KCNJ18: variants seen among roughly 807,000 people sequenced by gnomAD.
KCNJ18 encodes the protein potassium inwardly rectifying channel subfamily J member 18, also known as inward rectifier potassium channel 18.
Under a neutral mutation model 17.3 loss-of-function variants are expected in KCNJ18, and 16 were observed. The ratio of observed to expected loss-of-function variants is 0.92; its 90% CI spans 0.62 to 1.40. The LOEUF (loss-of-function observed/expected upper bound fraction) is 1.40, where lower values mean the gene tolerates loss of function less well. Ranked by LOEUF, KCNJ18 falls within the 40% of genes most tolerant of loss-of-function variation. The pLI, the probability that KCNJ18 is intolerant of heterozygous loss-of-function variation, is 0.00. For synonymous variants in KCNJ18, 185 were observed against 262.6 expected (o/e 0.70, Z 2.86); for missense variants, 462 against 626.8 (o/e 0.74, Z 2.81).
intron 1 of KCNJ18, among the ~76,000 whole-genome samples, chr17:21,695,502 C>T (rs1464539783): frequency 1.3e-5 from 2 of 152,302 alleles, no homozygotes; most frequent in East Asian, 1.9e-4. Flanking sequence ...TTCATTCATC[C>T]ACCCCCCCAG....
rs1271405002 is a variant in KCNJ18 at position 21,703,140 on chromosome 17, C to A, written c.354C>A (p.His118Gln). ...AHGDLEPAEG[H>Q]GRTPCVMQVH... ...GTGACCTGGAGCCGGCTGAGGGCCA[C>A]GGCCGCACACCCTGTGTGATGCAGG... The change falls in exon 3 of 3, where the codon CAC (histidine) becomes CAA (glutamine). Residue 118 changes from histidine (H) to glutamine (Q), a missense_variant. Around this residue, in one of 5 missense-constraint regions of KCNJ18, gnomAD observed 237 missense variants for 259.4 expected, o/e 0.91. Coordinates refer to ENST00000567955, the MANE Select transcript of KCNJ18 (RefSeq NM_001194958.2). The A allele has an allele frequency of 1.2e-6, 2 of 1,610,400 alleles. No homozygotes were observed. Among genetic ancestry groups the A allele is most frequent in the Admixed American group, 1.7e-5 (1 of 59,724 alleles).
At position 21,703,297 on chromosome 17, in the gene KCNJ18, A is replaced by G. The variant is rs1412729184; in HGVS notation, c.511A>G (p.Ile171Val). 5.5e-5 allele frequency: 88 copies of G among 1,608,646 alleles called. No individual in the cohort carries two copies. The highest frequency in any genetic ancestry group is 7.2e-5 in the Non-Finnish European group (85 of 1,177,050). ...GGTGGCCCAGTCCATCGTGGGCTGC[A>G]TCATCGACTCCTTCATGATTGGTGC... Reference protein sequence around the residue: ...MVVAQSIVGCIIDSFMIGAIM... With the variant: ...MVVAQSIVGCVIDSFMIGAIM... The change falls in exon 3 of 3, where the codon ATC becomes GTC. Residue 171 changes from isoleucine (I) to valine (V), a missense_variant. By Grantham distance (29) the Ile-to-Val change is conservative (BLOSUM62 3). Coordinates refer to ENST00000567955, the MANE Select transcript of KCNJ18 (RefSeq NM_001194958.2).
chr17:21,699,478 C>G (rs1439115687), intron 2 of KCNJ18, among the ~76,000 whole-genome samples: 3 of 149,370 alleles, frequency 2.0e-5, no homozygotes, highest in African/African-American at 7.7e-5. Flanking sequence ...GGGAGGGTCT[C>G]TCTCTCTCTC....
Position 21,692,637 on chromosome 17 carries a change from G to T in KCNJ18, c.-256G>T, listed in dbSNP as rs1261145698. On this transcript the variant is annotated 5_prime_UTR_variant, in exon 1 of 3. Transcript: ENST00000567955. ...CGCCGGTCACAGTGAACGCCTGCAG[G>T]ACCCACACTGCTGCATCGTCTCTGT... The T allele has an allele frequency of 6.6e-6, 1 of 152,394 alleles. No individual in the cohort carries two copies. The highest frequency in any genetic ancestry group is 1.5e-5 in the Non-Finnish European group (1 of 68,120). The allele number at this position is 152,394 out of a possible 1,614,324, so 9.4% of individuals were successfully genotyped here. A position where few individuals can be genotyped will look rare whatever the true frequency, so the allele number is the denominator to read the frequency against.
At position 21,702,957 on chromosome 17, in the gene KCNJ18, C is replaced by T. The variant is rs1274704146; in HGVS notation, c.171C>T (p.Phe57=). The T allele has an allele frequency of 2.3e-5, 37 of 1,587,412 alleles. No homozygotes were observed. The highest frequency in any genetic ancestry group is 2.3e-4 in the Admixed American group (13 of 56,198). ...AGAATGGCCAGTGCAACATTGCGTT[C>T]GCCAACATGGACGAGAAGTCACAGC... is the stretch of plus-strand genomic sequence containing the variant. ...VKKNGQCNIA[F]ANMDEKSQRY... The change falls in exon 3 of 3, where the codon TTC becomes TTT. Residue 57 remains phenylalanine (F), a synonymous_variant. Transcript: ENST00000567955.
chr17:21,698,170 C>G (rs1234244602), intron 2 of KCNJ18, among the ~76,000 whole-genome samples: 1 of 152,260 alleles, frequency 6.6e-6, no homozygotes, highest in Non-Finnish European at 1.5e-5. Context: ...GCCACGCACA[C>G]AGTCAGGCCT....
Position 21,704,497 on chromosome 17 carries a change from C to G in KCNJ18, c.*409C>G. The stretch of plus-strand genomic sequence containing the variant: ...GAGAAACACCGGGTTTCAGCTTTCT[C>G]GACCTTAGCTTGGGTGAGACTGTTT... On this transcript the variant is annotated 3_prime_UTR_variant, in exon 3 of 3. Coordinates refer to ENST00000567955, the MANE Select transcript of KCNJ18 (RefSeq NM_001194958.2). 7.5e-6 allele frequency: 1 copy of G among 133,128 alleles called. No individual in the cohort carries two copies. The highest frequency in any genetic ancestry group is 1.6e-5 in the Non-Finnish European group (1 of 61,098). 8.2% of individuals were successfully genotyped at this position (133,128 alleles called of 1,614,324 possible).
intron 1 of KCNJ18, among the ~76,000 whole-genome samples, chr17:21,695,634 T>C (rs1443115587): frequency 2.0e-5 from 3 of 152,296 alleles, no homozygotes; most frequent in African/African-American, 7.2e-5. Context: ...ACTACTTCTC[T>C]GGAATAGTAA....
intron 2 of KCNJ18, among the ~76,000 whole-genome samples, chr17:21,696,942 AAG>A (rs1905776605): frequency 6.6e-6 from 1 of 152,184 alleles, no homozygotes; most frequent in Non-Finnish European, 1.5e-5. Flanking sequence ...TGAGGTGAGA[AAG>A]AGAAGGAAGT....
chr17:21,703,066 T>C lies in KCNJ18; in HGVS notation c.280T>C (p.Ser94Pro), dbSNP rs1376403244. 3.1e-6 allele frequency: 5 copies of C among 1,613,092 alleles called. No homozygotes were observed. The highest frequency in any genetic ancestry group is 4.2e-6 in the Non-Finnish European group (5 of 1,179,898). Residue 94 changes from serine (S) to proline (P), a missense_variant, in exon 3 of 3, where the codon TCC becomes CCC. Around this residue, in one of 5 missense-constraint regions of KCNJ18, gnomAD observed 237 missense variants for 259.4 expected, o/e 0.91. Transcript: ENST00000567955. ...LLIFSLAFLA[S>P]WLLFGVIFWV... is the part of the protein sequence containing the mutation. Reference sequence around the variant, plus strand: ...CATCTTCTCGCTGGCCTTCCTTGCCTCCTGGCTGCTGTTCGGCGTCATCTT... The same window carrying C: ...CATCTTCTCGCTGGCCTTCCTTGCCCCCTGGCTGCTGTTCGGCGTCATCTT...
intron 2 of KCNJ18, among the ~76,000 whole-genome samples, chr17:21,697,973 A>G (rs1477985789): frequency 1.4e-4 from 22 of 152,400 alleles, no homozygotes; most frequent in African/African-American, 3.6e-4. Context: ...AGTGATCTCC[A>G]AGGGGTCTTC....
In KCNJ18 at chr17:21,703,916, A is replaced by C. The variant is rs1437284153; in HGVS notation, c.1130A>C (p.Tyr377Ser). ...FLLPSANSFC[Y>S]ENELAFLSRD... ...CTGCCCAGTGCCAACTCCTTCTGCT[A>C]TGAGAACGAGCTGGCCTTCCTGAGC... The change falls in exon 3 of 3, where the codon TAT becomes TCT. Residue 377 changes from tyrosine to serine, a missense_variant. Physicochemically the swap from Tyr to Ser is moderately radical, Grantham distance 144. Around this residue, in one of 5 missense-constraint regions of KCNJ18, gnomAD observed 123 missense variants for 117.5 expected, o/e 1.05. Coordinates refer to ENST00000567955, the MANE Select transcript of KCNJ18 (RefSeq NM_001194958.2). 4 of 1,612,202 alleles carry C rather than the reference A, an allele frequency of 2.5e-6. No individual in the cohort carries two copies. In the South Asian group the frequency reaches 4.4e-5, roughly 18 times the overall value.
chr17:21,702,326 C>A lies in KCNJ18; in HGVS notation c.-56-405C>A, dbSNP rs1323027892. 1.7e-3 allele frequency among the ~76,000 whole-genome samples: 245 copies of A among 142,316 alleles called. 4 individuals carry two copies. Among genetic ancestry groups the A allele is most frequent in the African/African-American group, 6.0e-3 (231 of 38,186 alleles). 93.4% of individuals were successfully genotyped at this position (142,316 alleles called of 152,430 possible). On this transcript the variant is annotated intron_variant, in intron 2 of 2. Transcript: ENST00000567955. ...CATTGAGCAAGGGAGGGATAGGCAC[C>A]GACTCAGCTTCCACAGGCCCTCTGT...
intron 2 of KCNJ18, among the ~76,000 whole-genome samples, chr17:21,702,033 C>T (rs1244930855): frequency 3.9e-5 from 6 of 152,278 alleles, no homozygotes; most frequent in East Asian, 1.9e-4. Context: ...GTTATTGCTG[C>T]CGCCATTGTG....
At chr17:21,702,454 G>A (rs1905991376) in intron 2 of KCNJ18, among the ~76,000 whole-genome samples, 2 of 152,292 alleles carry the variant, frequency 1.3e-5, no homozygotes, top group South Asian at 4.1e-4. Context: ...CCTTGAGGGT[G>A]GGAGAAGGGG....
intron 1 of KCNJ18, among the ~76,000 whole-genome samples, chr17:21,695,661 C>G (rs1264444765): frequency 3.3e-5 from 5 of 152,294 alleles, no homozygotes; most frequent in African/African-American, 4.8e-5. Flanking sequence ...TAGTTCCAAC[C>G]TTGTGGAATT....
At chr17:21,695,010 A>T (rs1597754342) in intron 1 of KCNJ18, among the ~76,000 whole-genome samples, 1 of 149,076 alleles carries the variant, frequency 6.7e-6, no homozygotes, top group African/African-American at 2.5e-5. Context: ...CCATCCATCC[A>T]CCCACCCATT....
Position 21,704,072 on chromosome 17 carries a change from G to A in KCNJ18, c.1286G>A (p.Arg429Gln), listed in dbSNP as rs1485306231. ...GTCCTGGAGCAGCGGCCCTACAGAC[G>A]GGGGTCAGAGATCTGAGCCAACCTT... is the stretch of plus-strand genomic sequence containing the variant. ...GGVLEQRPYR[R>Q]GSEI Residue 429 changes from arginine (R) to glutamine (Q), a missense_variant, in exon 3 of 3, where the codon CGG (arginine) becomes CAG (glutamine). Physicochemically the swap from Arg to Gln is conservative, Grantham distance 43. Around this residue, in one of 5 missense-constraint regions of KCNJ18, gnomAD observed 123 missense variants for 117.5 expected, o/e 1.05. Transcript: ENST00000567955. The A allele has an allele frequency of 1.2e-5, 18 of 1,558,412 alleles. No homozygotes were observed. Among genetic ancestry groups the A allele is most frequent in the Admixed American group, 1.8e-5 (1 of 54,576 alleles).
chr17:21,704,192 G>A lies in KCNJ18; in HGVS notation c.*104G>A. 1.5e-6 allele frequency: 2 copies of A among 1,295,104 alleles called. No individual in the cohort carries two copies. The highest frequency in any genetic ancestry group is 1.5e-5 in the African/African-American group (1 of 66,686). 80.2% of individuals were successfully genotyped at this position (1,295,104 alleles called of 1,614,324 possible). The stretch of plus-strand genomic sequence containing the variant: ...CAGAACGGGCCCAGTGCCCTGGGTT[G>A]CAGACTCAGTAGCGTTTTAGTCGTT... On this transcript the variant is annotated 3_prime_UTR_variant, in exon 3 of 3. Coordinates refer to ENST00000567955, the MANE Select transcript of KCNJ18 (RefSeq NM_001194958.2).
Sources: gnomAD v4.1 joint callset for allele counts (sites outside exome capture counted in the v4.1 genomes callset) on GRCh38, gnomAD v4.1.1 for gene constraint, gnomAD v4.1.1 regional missense constraint, MANE v1.5 for transcripts, NCBI Gene and HGNC (gene_info 2026-07-23, HGNC 2026-07-21) for gene names.